The following ADAMTS17 variants were observed in gnomAD, a reference collection of about 807,000 sequenced individuals.
ADAMTS17 encodes A disintegrin and metalloproteinase with thrombospondin motifs 17.
Under a neutral mutation model 141.5 loss-of-function variants are expected in ADAMTS17, and 113 were observed. The observed-to-expected ratio is 0.80, with a 90% confidence interval of 0.69 to 0.93. The LOEUF (loss-of-function observed/expected upper bound fraction) is 0.93. Ranked by LOEUF, ADAMTS17 falls within the 40% of genes least tolerant of loss-of-function variation. The pLI is 0.00. For missense variants in ADAMTS17, 1,659 were observed against 1,517.9 expected, an observed-to-expected ratio of 1.09 and a Z score of -1.54; for synonymous variants, 768 against 630.6, an observed-to-expected ratio of 1.22 and a Z score of -3.27.
intron 7 of ADAMTS17, among the ~76,000 whole-genome samples, chr15:100,204,202 A>G (rs939454024): frequency 3.3e-5 from 5 of 152,246 alleles, no homozygotes; most frequent in Non-Finnish European, 7.3e-5. Flanking sequence ...GGAATAAACA[A>G]CAAACAACTG....
intron 10 of ADAMTS17, among the ~76,000 whole-genome samples, chr15:100,146,937 C>A (rs1024254036): frequency 9.9e-5 from 15 of 152,130 alleles, no homozygotes; most frequent in African/African-American, 3.6e-4. Context: ...ACTCTGTCTC[C>A]TGATAAGATG....
At chr15:100,327,783 A>G (rs898069333) in intron 3 of ADAMTS17, among the ~76,000 whole-genome samples, 1 of 152,342 alleles carries the variant, frequency 6.6e-6, no homozygotes, top group Non-Finnish European at 1.5e-5. Flanking sequence ...AGGCCCCCAA[A>G]ATAAGGAGCA....
chr15:100,199,352 A>G lies in ADAMTS17; in HGVS notation c.1147T>C (p.Leu383=), dbSNP rs565756675. ...CVLAEDNGLN[L]AFTIAHELGH... is the part of the protein sequence containing the mutation. ...AGCTCATGGGCGATGGTAAAGGCCAAATTGAGACCATTGTCTTCGGCAAGC... is the reference window on the plus strand; with the variant it reads ...AGCTCATGGGCGATGGTAAAGGCCAGATTGAGACCATTGTCTTCGGCAAGC... The change falls in exon 8 of 22, where the codon TTG becomes CTG. Residue 383 remains leucine, a synonymous_variant. Transcript: ENST00000268070. 5.6e-6 allele frequency: 9 copies of G among 1,614,240 alleles called. No homozygotes were observed. In the East Asian group the frequency reaches 1.8e-4, roughly 32 times the overall value.
chr15:100,207,083 AT>A (rs1228022075), intron 7 of ADAMTS17, among the ~76,000 whole-genome samples: 1 of 152,192 alleles, frequency 6.6e-6, no homozygotes, highest in Non-Finnish European at 1.5e-5. Flanking sequence ...ATGTCACTGT[AT>A]TTGGAGACAG....
Position 100,331,033 on chromosome 15 carries a change from G to A in ADAMTS17, c.472C>T (p.Gln158Ter), listed in dbSNP as rs762355341. 6.2e-7 allele frequency: 1 copy of A among 1,614,128 alleles called. No individual in the cohort carries two copies. The highest frequency in any genetic ancestry group is 8.5e-7 in the Non-Finnish European group (1 of 1,180,034). Reference sequence around the variant, plus strand: ...AGGGGCTGGATTAGCACCTGCTCCTGCCCAAGCTGAATGAGGCCAACCTGT... The same window carrying A: ...AGGGGCTGGATTAGCACCTGCTCCTACCCAAGCTGAATGAGGCCAACCTGT... ...GGLVGLIQLGQEQVLIQPLNN... is the reference protein window; with the variant it reads ...GGLVGLIQLG The change falls in exon 3 of 22, where the codon CAG becomes TAG. Residue 158 changes from glutamine to a stop codon, truncating the protein, a stop_gained. Coordinates refer to ENST00000268070, the MANE Select transcript of ADAMTS17 (RefSeq NM_139057.4). LOFTEE classifies it high-confidence loss of function.
At chr15:100,039,748 T>C (rs944928702) in intron 18 of ADAMTS17, among the ~76,000 whole-genome samples, 2 of 152,224 alleles carry the variant, frequency 1.3e-5, no homozygotes, top group Non-Finnish European at 2.9e-5. Context: ...GTTTGGTTGG[T>C]TTATACTGTT....
At chr15:100,331,888 G>C (rs1275996256) in intron 2 of ADAMTS17, among the ~76,000 whole-genome samples, 1 of 151,942 alleles carries the variant, frequency 6.6e-6, no homozygotes, top group Admixed American at 6.6e-5. Context: ...TGTAATACAG[G>C]GACCACACTT....
intron 20 of ADAMTS17, among the ~76,000 whole-genome samples, chr15:99,982,478 C>G (rs535584661): frequency 6.6e-6 from 1 of 152,332 alleles, no homozygotes; most frequent in South Asian, 2.1e-4. Flanking sequence ...ACGACACCCT[C>G]GTAACCTGAG....
rs561117873 is a variant in ADAMTS17 at position 100,226,371 on chromosome 15, G to C, written c.1076-26948C>G. Among the ~76,000 whole-genome samples, 3 of 152,376 alleles carry C rather than the reference G, an allele frequency of 2.0e-5. No homozygotes were observed. The South Asian group carries it at 6.2e-4, about 32-fold the overall frequency. ...TAAGCAGGAGTCAGCCGGGGGAAAA[G>C]GAGGCTTGGCCCTTCAGGCCTGAAA... On this transcript the variant is annotated intron_variant, in intron 7 of 21. Coordinates refer to ENST00000268070, the MANE Select transcript of ADAMTS17 (RefSeq NM_139057.4).
At chr15:100,089,116 C>A (rs1290707205) in intron 15 of ADAMTS17, among the ~76,000 whole-genome samples, 4 of 152,040 alleles carry the variant, frequency 2.6e-5, no homozygotes, top group Admixed American at 2.0e-4. Context: ...TATCCAGAAT[C>A]TACAATGAAC....
At chr15:100,084,983 G>T (rs1185719462) in intron 15 of ADAMTS17, among the ~76,000 whole-genome samples, 17 of 152,196 alleles carry the variant, frequency 1.1e-4, no homozygotes, top group African/African-American at 3.4e-4. Context: ...ATGGAACAAA[G>T]CTGGATGGAG....
chr15:100,063,825 C>T (rs2033309148), intron 15 of ADAMTS17: 2 of 1,160,088 alleles, frequency 1.7e-6, no homozygotes, highest in South Asian at 2.5e-5. Context: ...GTGCAGCATC[C>T]CCCGGCCAAA....
rs142596725 is a variant in ADAMTS17, at chr15:100,301,337, A to ATTT, written c.617-19937_617-19936insAAA. ...TTCTATGTGAGTTATATATATATATATATTTTTCTGAGACGGAGTCTCTGT... is the reference window on the plus strand; with the variant it reads ...TTCTATGTGAGTTATATATATATATATTTTATTTTTCTGAGACGGAGTCTCTGT... On this transcript the variant is annotated intron_variant, in intron 3 of 21. Coordinates refer to ENST00000268070, the MANE Select transcript of ADAMTS17 (RefSeq NM_139057.4). 2.6e-5 allele frequency among the ~76,000 whole-genome samples: 4 copies of ATTT among 150,996 alleles called. No homozygotes were observed. In the East Asian group the frequency reaches 7.8e-4, roughly 29 times the overall value.
intron 18 of ADAMTS17, among the ~76,000 whole-genome samples, chr15:100,015,161 G>A (rs959887505): frequency 3.3e-5 from 5 of 151,932 alleles, no homozygotes; most frequent in South Asian, 2.1e-4. Flanking sequence ...AGTTTTTTTC[G>A]TCTGATACGA....
intron 7 of ADAMTS17, among the ~76,000 whole-genome samples, chr15:100,244,643 G>A (rs529941980): frequency 2.0e-4 from 30 of 152,172 alleles, no homozygotes; most frequent in African/African-American, 7.2e-4. Flanking sequence ...TCATGGAGAG[G>A]AAGGGCCCCT....
intron 13 of ADAMTS17, among the ~76,000 whole-genome samples, chr15:100,112,815 T>A (rs35858708): frequency 0.28 from 42,225 of 151,648 alleles, 6,042 homozygotes; most frequent in East Asian, 0.39. Context: ...TGGCTGGAGG[T>A]GGTCACAGGC....
intron 17 of ADAMTS17, among the ~76,000 whole-genome samples, chr15:100,049,436 G>A (rs1407193132): frequency 6.6e-6 from 1 of 152,220 alleles, no homozygotes; most frequent in Non-Finnish European, 1.5e-5. Context: ...GGAGAAGTGG[G>A]AGATGAGGAG....
At chr15:100,165,389 TC>T (rs1302800621) in intron 8 of ADAMTS17, among the ~76,000 whole-genome samples, 19 of 152,120 alleles carry the variant, frequency 1.2e-4, no homozygotes, top group African/African-American at 3.6e-4. Context: ...ACAGCGTGCC[TC>T]CCCCCAATGC....
At chr15:100,221,309 T>A (rs549876154) in intron 7 of ADAMTS17, among the ~76,000 whole-genome samples, 1 of 152,026 alleles carries the variant, frequency 6.6e-6, no homozygotes, top group Non-Finnish European at 1.5e-5. Context: ...ACAGAATTTG[T>A]CTCACTGCCT....
Sources: gnomAD v4.1 joint callset for allele counts (sites outside exome capture counted in the v4.1 genomes callset) on GRCh38, gnomAD v4.1.1 for gene constraint, MANE v1.5 for transcripts, NCBI Gene and HGNC (gene_info 2026-07-23, HGNC 2026-07-21) for gene names.